The following CTNNA2 variants were observed in gnomAD, a reference collection of about 807,000 sequenced individuals.
CTNNA2 encodes the protein catenin alpha 2.
CTNNA2 carries 42 observed loss-of-function variants against 101.0 expected under a neutral mutation model. The observed-to-expected ratio is 0.42, with a 90% CI of 0.32 to 0.54. The LOEUF (loss-of-function observed/expected upper bound fraction) is 0.54. CTNNA2 is among the 20% of genes least tolerant of loss of function. The pLI is 0.14. For synonymous variants in CTNNA2, 450 were observed against 456.4 expected (o/e 0.99, Z 0.18); for missense variants, 871 against 1,223.1 (o/e 0.71, Z 4.29).
chr2:80,126,855 A>G (rs6746734), intron 7 of CTNNA2, among the ~76,000 whole-genome samples: 26,488 of 152,034 alleles, frequency 0.17, 2,552 homozygotes, highest in South Asian at 0.36. Context: ...CCTGAAGAGA[A>G]ACTTGGAGAA....
Position 80,059,509 on chromosome 2 carries a change from C to T in CTNNA2, c.1056+149712C>T, listed in dbSNP as rs139977910. Among the ~76,000 whole-genome samples the T allele has an allele frequency of 5.9e-4, 90 of 152,280 alleles. No homozygotes were observed. The East Asian group carries it at 6.9e-3, about 12-fold the overall frequency. On this transcript the variant is annotated intron_variant, in intron 7 of 18. Transcript: ENST00000402739. ...AACTGACAGCTTTACTGGAGTCTCC[C>T]GGATTCTTCAAGCATGTCAAGGAAT... is the stretch of plus-strand genomic sequence containing the variant.
At chr2:80,357,342 G>C (rs960909284) in intron 7 of CTNNA2, among the ~76,000 whole-genome samples, 1 of 151,770 alleles carries the variant, frequency 6.6e-6, no homozygotes, top group Non-Finnish European at 1.5e-5. Context: ...AAGAAAGAAG[G>C]TAGCATGATG....
In CTNNA2 at chr2:79,744,521, T is replaced by C; in HGVS notation, c.237T>C (p.Ala79=). The C allele has an allele frequency of 6.2e-7, 1 of 1,614,046 alleles. No individual in the cohort carries two copies. The highest frequency in any genetic ancestry group is 8.5e-7 in the Non-Finnish European group (1 of 1,179,958). Residue 79 remains alanine, a synonymous_variant, in exon 3 of 19, where the codon GCT becomes GCC. Transcript: ENST00000402739. Reference sequence around the variant, plus strand: ...TCCTGGAAAAGGGTGAACAGATCGCTAAGGAGAGTCAAGATCTCAAAGAAG... The same window carrying C: ...TCCTGGAAAAGGGTGAACAGATCGCCAAGGAGAGTCAAGATCTCAAAGAAG... ...QNFLEKGEQI[A]KESQDLKEEL...
intron 1 of CTNNA2, among the ~76,000 whole-genome samples, chr2:79,535,399 T>C (rs531279716): frequency 2.0e-4 from 30 of 152,020 alleles, no homozygotes; most frequent in African/African-American, 7.2e-4. Context: ...AGAGACAGGG[T>C]TTCACCATGT....
rs1674109119 is a variant in CTNNA2, at chr2:79,551,694, A to G, written c.-6+38487A>G. Among the ~76,000 whole-genome samples the G allele has an allele frequency of 2.6e-5, 4 of 152,194 alleles. No homozygotes were observed. In the South Asian group the frequency reaches 6.2e-4, roughly 24 times the overall value. On this transcript the variant is annotated intron_variant, in intron 1 of 18. Transcript: ENST00000402739. ...TGACTCACAGTTCCACAAGTTGTAC[A>G]TGAAGTATGGCTAGGGAGGCTTCAA...
At chr2:80,584,368 A>C (rs1695791803) in intron 14 of CTNNA2, among the ~76,000 whole-genome samples, 1 of 150,180 alleles carries the variant, frequency 6.7e-6, no homozygotes, top group Admixed American at 6.7e-5. Context: ...AGTATTTCAA[A>C]AATGTCCTTT....
chr2:79,494,615 G>T lies in CTNNA2; in HGVS notation c.-134-10439G>T, dbSNP rs534536093. Among the ~76,000 whole-genome samples the T allele has an allele frequency of 2.2e-4, 33 of 152,144 alleles. 1 individual carries two copies. In the East Asian group the frequency reaches 5.2e-3, roughly 24 times the overall value. ...AATGCATATCCACATGCCAAAGAAA[G>T]AATTTGTACTCTTTGTTTGCACTGT... On this transcript the variant is annotated intron_variant, in intron 4 of 21. Coordinates refer to the CTNNA2 transcript ENST00000466387.
chr2:79,949,430 G>A (rs1322677412), intron 7 of CTNNA2, among the ~76,000 whole-genome samples: 1 of 152,096 alleles, frequency 6.6e-6, no homozygotes, highest in African/African-American at 2.4e-5. Flanking sequence ...TTCAGAACTG[G>A]TATTCAGATT....
chr2:80,575,913 A>G (rs1694999440), intron 13 of CTNNA2, among the ~76,000 whole-genome samples: 1 of 152,170 alleles, frequency 6.6e-6, no homozygotes, highest in African/African-American at 2.4e-5. Context: ...GGAGGAGAGA[A>G]ATGTACAGTA....
At chr2:80,184,976 C>T (rs75472208) in intron 7 of CTNNA2, among the ~76,000 whole-genome samples, 1,633 of 152,262 alleles carry the variant, frequency 0.011, 38 homozygotes, top group African/African-American at 0.037. Context: ...AGTATATTGG[C>T]ACTGCTATTT....
At chr2:79,709,025 C>A (rs1057385939) in intron 2 of CTNNA2, among the ~76,000 whole-genome samples, 5 of 152,162 alleles carry the variant, frequency 3.3e-5, no homozygotes, top group Non-Finnish European at 7.4e-5. Context: ...CTGAGGATTT[C>A]TATTTCAGTT....
At chr2:80,618,486 C>T (rs1465071617) in intron 17 of CTNNA2, among the ~76,000 whole-genome samples, 3 of 151,846 alleles carry the variant, frequency 2.0e-5, no homozygotes, top group African/African-American at 7.2e-5. Flanking sequence ...TTATGCCCCT[C>T]ACACAATCCA....
At chr2:79,746,469 A>G (rs1192810573) in intron 3 of CTNNA2, among the ~76,000 whole-genome samples, 2 of 152,034 alleles carry the variant, frequency 1.3e-5, no homozygotes, top group African/African-American at 4.8e-5. Flanking sequence ...ACAGACACCT[A>G]CTCCCAAGCT....
chr2:79,895,558 C>T lies in CTNNA2; in HGVS notation c.853-14036C>T, dbSNP rs80012186. Among the ~76,000 whole-genome samples the T allele has an allele frequency of 6.7e-3, 1,026 of 152,014 alleles. 6 individuals carry two copies. The highest frequency in any genetic ancestry group is 0.01 in the Non-Finnish European group (684 of 67,996). ...TGGATAATTTAGCATCTCAAACCAC[C>T]GACATAGAGTTTAACTAATTTCTGG... On this transcript the variant is annotated intron_variant, in intron 6 of 18. Coordinates refer to ENST00000402739, the MANE Select transcript of CTNNA2 (RefSeq NM_001282597.3).
chr2:80,155,784 G>A (rs1703969382), intron 7 of CTNNA2, among the ~76,000 whole-genome samples: 2 of 151,826 alleles, frequency 1.3e-5, no homozygotes, highest in African/African-American at 4.9e-5. Context: ...AATTCTATTG[G>A]CATTTTTTCT....
intron 7 of CTNNA2, among the ~76,000 whole-genome samples, chr2:80,153,288 G>A (rs1322813774): frequency 6.6e-6 from 1 of 152,172 alleles, no homozygotes; most frequent in African/African-American, 2.4e-5. Flanking sequence ...GCAGCCTATG[G>A]TCTTGCCCTT....
At chr2:79,361,320 T>A (rs757466141) in intron 3 of CTNNA2, among the ~76,000 whole-genome samples, 4 of 152,124 alleles carry the variant, frequency 2.6e-5, no homozygotes, top group Non-Finnish European at 5.9e-5. Context: ...GTAAATCTAA[T>A]TGGGTGGATA....
At chr2:80,228,884 A>G (rs935372591) in intron 7 of CTNNA2, among the ~76,000 whole-genome samples, 3 of 152,106 alleles carry the variant, frequency 2.0e-5, no homozygotes, top group Non-Finnish European at 4.4e-5. Flanking sequence ...GTTCTTTCTC[A>G]TTTTGTAACA....
At chr2:79,228,720 C>CT (rs540250951) in intron 2 of CTNNA2, among the ~76,000 whole-genome samples, 306 of 145,658 alleles carry the variant, frequency 2.1e-3, no homozygotes, top group African/African-American at 5.8e-3. Context: ...TCTGTTGATG[C>CT]TTTTTTTTTT....
Sources: gnomAD v4.1 joint callset for allele counts (sites outside exome capture counted in the v4.1 genomes callset) on GRCh38, gnomAD v4.1.1 for gene constraint, MANE v1.5 for transcripts, NCBI Gene and HGNC (gene_info 2026-07-23, HGNC 2026-07-21) for gene names.